The following MEI4 variants were observed in gnomAD, a reference collection of about 807,000 sequenced individuals.
The protein encoded by MEI4 is meiotic double-stranded break formation protein 4, also known as meiosis-specific protein MEI4.
MEI4 carries 27 observed loss-of-function variants against 31.4 expected under a neutral mutation model. The observed-to-expected ratio is 0.86, with a 90% CI of 0.63 to 1.19. The LOEUF (loss-of-function observed/expected upper bound fraction) is 1.19, where lower values mean the gene tolerates loss of function less well. Ranked by LOEUF, MEI4 falls within the 50% of genes most tolerant of loss-of-function variation. MEI4 has a pLI of 0.00. For synonymous variants in MEI4, 122 were observed against 145.4 expected (o/e 0.84, Z 1.16); for missense variants, 329 against 398.9 (o/e 0.82, Z 1.49).
chr6:77,833,378 T>A (rs1400731344), intron 4 of MEI4, among the ~76,000 whole-genome samples: 2 of 152,172 alleles, frequency 1.3e-5, no homozygotes, highest in Non-Finnish European at 2.9e-5. Context: ...AGTAAGTTTT[T>A]AAAATTTTTA....
chr6:77,781,526 C>G (rs549393859), intron 3 of MEI4, among the ~76,000 whole-genome samples: 1 of 152,130 alleles, frequency 6.6e-6, no homozygotes, highest in East Asian at 1.9e-4. Context: ...ATTCAATTCT[C>G]ATTTTTAATA....
At chr6:77,736,870 T>G (rs1396119865) in intron 2 of MEI4, among the ~76,000 whole-genome samples, 1 of 5,548 alleles carries the variant, frequency 1.8e-4, no homozygotes, top group Non-Finnish European at 2.6e-4. Flanking sequence ...TTTAAAAGTA[T>G]TTTGAAGGAA....
chr6:77,919,030 C>G (rs1167055275), intron 4 of MEI4, among the ~76,000 whole-genome samples: 2 of 151,928 alleles, frequency 1.3e-5, no homozygotes, highest in Non-Finnish European at 2.9e-5. Context: ...GAGACTTAGA[C>G]TCCCACACAT....
chr6:77,795,778 A>C (rs1179849951), intron 3 of MEI4, among the ~76,000 whole-genome samples: 2 of 151,330 alleles, frequency 1.3e-5, no homozygotes, highest in African/African-American at 2.4e-5. Context: ...AAAAAAAAAA[A>C]CTCCCAACAA....
intron 4 of MEI4, among the ~76,000 whole-genome samples, chr6:77,882,751 G>A (rs890086184): frequency 3.9e-5 from 6 of 152,034 alleles, no homozygotes; most frequent in African/African-American, 9.7e-5. Flanking sequence ...TGACATTTTC[G>A]TTGTAGTATT....
intron 3 of MEI4, among the ~76,000 whole-genome samples, chr6:77,769,210 AC>A (rs1161081589): frequency 6.6e-6 from 1 of 152,144 alleles, no homozygotes; most frequent in Non-Finnish European, 1.5e-5. Flanking sequence ...GAGAGAACAT[AC>A]TGATTATGGG....
At chr6:77,857,280 C>G (rs1395818689) in intron 4 of MEI4, among the ~76,000 whole-genome samples, 1 of 152,090 alleles carries the variant, frequency 6.6e-6, no homozygotes, top group African/African-American at 2.4e-5. Context: ...AAATATGGAT[C>G]TAATTTAATT....
chr6:77,795,776 A>C (rs900639504), intron 3 of MEI4, among the ~76,000 whole-genome samples: 1 of 151,862 alleles, frequency 6.6e-6, no homozygotes, highest in African/African-American at 2.4e-5. Flanking sequence ...GAAAAAAAAA[A>C]AACTCCCAAC....
intron 2 of MEI4, among the ~76,000 whole-genome samples, chr6:77,712,320 A>G (rs2127660291): frequency 6.6e-6 from 1 of 152,336 alleles, no homozygotes; most frequent in South Asian, 2.1e-4. Context: ...CCAAGCTGTT[A>G]AATTTACTTA....
chr6:77,883,717 G>GATATATATATATAT (rs570185624), intron 4 of MEI4, among the ~76,000 whole-genome samples: 1,764 of 43,036 alleles, frequency 0.041, 59 homozygotes, highest in Non-Finnish European at 0.045. Context: ...TATTATGTAA[G>GATATATATATATAT]ATATATATAT....
chr6:77,861,761 T>C (rs1373244090), intron 4 of MEI4, among the ~76,000 whole-genome samples: 1 of 152,122 alleles, frequency 6.6e-6, no homozygotes, highest in Admixed American at 6.5e-5. Context: ...GTTTTATCAT[T>C]TGTGAAATTA....
intron 4 of MEI4, among the ~76,000 whole-genome samples, chr6:77,887,562 GC>G (rs1228096411): frequency 4.6e-5 from 7 of 152,228 alleles, no homozygotes; most frequent in South Asian, 2.1e-4. Context: ...CTCCCAAAGT[GC>G]TGGGATTACA....
At chr6:77,853,777 T>G (rs557091055) in intron 4 of MEI4, among the ~76,000 whole-genome samples, 118 of 152,238 alleles carry the variant, frequency 7.8e-4, no homozygotes, top group Non-Finnish European at 1.5e-3. Flanking sequence ...GAATAGGGAA[T>G]GAGATAATGA....
intron 2 of MEI4, among the ~76,000 whole-genome samples, chr6:77,742,092 G>T (rs955824908): frequency 9.9e-5 from 15 of 152,084 alleles, no homozygotes; most frequent in Admixed American, 1.3e-4. Context: ...GTGTGCATGT[G>T]TCTTTATAGC....
rs111311534 is a variant in MEI4 at position 77,817,023 on chromosome 6, A to ATGTG, written c.769-11892_769-11889dup. Among the ~76,000 whole-genome samples, 1,382 of 149,254 alleles carry ATGTG rather than the reference A, an allele frequency of 9.3e-3. 15 individuals are homozygous for ATGTG. Among genetic ancestry groups the ATGTG allele is most frequent in the African/African-American group, 0.031 (1,276 of 40,710 alleles). On this transcript the variant is annotated intron_variant, in intron 3 of 4. Coordinates refer to ENST00000684080, the MANE Select transcript of MEI4 (RefSeq NM_001322247.2). ...GGATGACACTATTGTGTGTGTGTGTATGTGTGTGTGTGTGTGTGTTGTTTT... is the reference window on the plus strand; with the variant it reads ...GGATGACACTATTGTGTGTGTGTGTATGTGTGTGTGTGTGTGTGTGTGTTGTTTT...
chr6:77,730,494 G>T (rs1485232587), intron 2 of MEI4, among the ~76,000 whole-genome samples: 8 of 151,960 alleles, frequency 5.3e-5, no homozygotes, highest in Admixed American at 1.3e-4. Context: ...AAGAGAGATG[G>T]TTTCCTCTTA....
intron 3 of MEI4, among the ~76,000 whole-genome samples, chr6:77,817,169 A>G (rs1178564749): frequency 6.6e-6 from 1 of 152,138 alleles, no homozygotes; most frequent in East Asian, 1.9e-4. Flanking sequence ...AATATATAAT[A>G]GGTATTAAGG....
chr6:77,666,517 A>G (rs1768635848), intron 1 of MEI4, among the ~76,000 whole-genome samples: 1 of 152,150 alleles, frequency 6.6e-6, no homozygotes, highest in African/African-American at 2.4e-5. Flanking sequence ...ATCACATGTC[A>G]ATGAACTAAT....
intron 4 of MEI4, among the ~76,000 whole-genome samples, chr6:77,919,378 C>T (rs1375347954): frequency 6.6e-6 from 1 of 152,058 alleles, no homozygotes; most frequent in Non-Finnish European, 1.5e-5. Context: ...GGAAACTGAA[C>T]AACCTGCTCC....
Sources: allele counts gnomAD v4.1 joint callset (sites outside exome capture counted in the v4.1 genomes callset), GRCh38; gene constraint gnomAD v4.1.1; transcripts MANE v1.5; gene names NCBI Gene and HGNC (gene_info 2026-07-23, HGNC 2026-07-21).